Variants in AGAP1 observed in about 807,000 individuals in gnomAD.
The protein encoded by AGAP1 is arf-GAP with GTPase, ANK repeat and PH domain-containing protein 1.
AGAP1 carries 29 observed loss-of-function variants against 105.3 expected under a neutral mutation model. That is an observed-to-expected ratio of 0.28 (90% CI 0.21 to 0.38). AGAP1 has a LOEUF of 0.38. AGAP1 is among the 10% of genes least tolerant of loss of function. The pLI is 1.00. For synonymous variants in AGAP1, 509 were observed against 485.9 expected (o/e 1.05, Z -0.63); for missense variants, 998 against 1,165.1 (o/e 0.86, Z 2.09).
At chr2:235,902,018 A>G (rs1023851735) in intron 10 of AGAP1, among the ~76,000 whole-genome samples, 1 of 152,220 alleles carries the variant, frequency 6.6e-6, no homozygotes, top group African/African-American at 2.4e-5. Flanking sequence ...CACCCATTAC[A>G]TGTTAGTATA....
intron 13 of AGAP1, among the ~76,000 whole-genome samples, chr2:235,987,506 ATTT>A (rs3030714): frequency 0.54 from 64,419 of 119,902 alleles, 15,512 homozygotes; most frequent in South Asian, 0.65. Flanking sequence ...GGATTCATTG[ATTT>A]TTTTTTTTTT....
intron 1 of AGAP1, among the ~76,000 whole-genome samples, chr2:235,697,847 A>G (rs1301006384): frequency 6.6e-6 from 1 of 152,216 alleles, no homozygotes; most frequent in Admixed American, 6.5e-5. Flanking sequence ...AATTGTAAAT[A>G]TCTTGTCTCC....
intron 1 of AGAP1, among the ~76,000 whole-genome samples, chr2:235,497,464 A>C (rs533888189): frequency 6.6e-6 from 1 of 152,360 alleles, no homozygotes; most frequent in East Asian, 1.9e-4. Flanking sequence ...TCAAAAAGTC[A>C]CTTGTCCCAC....
Position 235,795,942 on chromosome 2 carries a change from A to G in AGAP1, c.674-1817A>G, listed in dbSNP as rs147399364. 3.0e-4 allele frequency among the ~76,000 whole-genome samples: 46 copies of G among 152,352 alleles called. No individual in the cohort carries two copies. In the East Asian group the frequency reaches 8.3e-3, roughly 27 times the overall value. ...GAAGTTTCATACAACAGTCGTTTCC[A>G]TAACATATTTGACTTATCTTAGGAA... On this transcript the variant is annotated intron_variant, in intron 6 of 17. Transcript: ENST00000304032.
intron 16 of AGAP1, among the ~76,000 whole-genome samples, chr2:236,093,895 G>A (rs1261127313): frequency 6.6e-6 from 1 of 151,800 alleles, no homozygotes; most frequent in Non-Finnish European, 1.5e-5. Context: ...TTTTTAAAGG[G>A]GGTTTCTCTG....
At chr2:235,526,320 T>C (rs950834012) in intron 1 of AGAP1, among the ~76,000 whole-genome samples, 4 of 152,244 alleles carry the variant, frequency 2.6e-5, no homozygotes, top group Non-Finnish European at 5.9e-5. Flanking sequence ...GTTCTCTTGA[T>C]TGACAGGAAC....
chr2:235,599,629 C>T lies in AGAP1; in HGVS notation c.163+104780C>T, dbSNP rs1288959841. Among the ~76,000 whole-genome samples the T allele has an allele frequency of 1.3e-5, 2 of 152,270 alleles. No individual in the cohort carries two copies. The highest frequency in any genetic ancestry group is 1.5e-5 in the Non-Finnish European group (1 of 68,028). ...CATGGCCCATGTGGCTCCGGAAGTT[C>T]CTGGGAGTGGCTCGTAGAGCCTGTT... On this transcript the variant is annotated intron_variant, in intron 1 of 17. Transcript: ENST00000304032. This position sits in a 1 kb window ranked among gnomAD's most constrained non-coding sequence, Gnocchi z 5.3.
chr2:236,019,681 T>G (rs968297002), intron 13 of AGAP1, among the ~76,000 whole-genome samples: 2 of 152,062 alleles, frequency 1.3e-5, no homozygotes, highest in African/African-American at 4.8e-5. Flanking sequence ...TAGGCTTGAG[T>G]GTGAGGTGTG....
At chr2:235,794,006 G>A (rs1957123835) in intron 6 of AGAP1, among the ~76,000 whole-genome samples, 1 of 152,066 alleles carries the variant, frequency 6.6e-6, no homozygotes, top group Non-Finnish European at 1.5e-5. Flanking sequence ...GGCTTAAAAA[G>A]TTGTCACAAA....
chr2:235,537,039 C>T (rs1202889968), intron 1 of AGAP1, among the ~76,000 whole-genome samples: 1 of 152,230 alleles, frequency 6.6e-6, no homozygotes, highest in African/African-American at 2.4e-5. Context: ...TGATGAGCAG[C>T]TCCTCTGCGC....
Position 235,712,819 on chromosome 2 carries a change from T to C in AGAP1, c.222+3582T>C, listed in dbSNP as rs1575202472. ...GCTCTTTGGCTCGCTCTGGATTGAT[T>C]TCCTCCGTCTTGGTTTACTTCCAGC... On this transcript the variant is annotated intron_variant, in intron 2 of 17. Coordinates refer to ENST00000304032, the MANE Select transcript of AGAP1 (RefSeq NM_001037131.3). This position sits in a 1 kb window ranked among gnomAD's most constrained non-coding sequence, Gnocchi z 6.0. Among the ~76,000 whole-genome samples the C allele has an allele frequency of 6.6e-6, 1 of 152,226 alleles. No homozygotes were observed. The highest frequency in any genetic ancestry group is 2.1e-4 in the South Asian group (1 of 4,830).
At chr2:235,868,330 A>G (rs1559585027) in intron 9 of AGAP1, among the ~76,000 whole-genome samples, 1 of 152,164 alleles carries the variant, frequency 6.6e-6, no homozygotes, top group Non-Finnish European at 1.5e-5. Context: ...ATTTGATCTC[A>G]TTGCGAAATC....
At chr2:235,806,628 T>C (rs927336045) in intron 8 of AGAP1, among the ~76,000 whole-genome samples, 1 of 152,236 alleles carries the variant, frequency 6.6e-6, no homozygotes, top group Non-Finnish European at 1.5e-5. Flanking sequence ...TACTGACCTT[T>C]CGTCCAAAGG....
chr2:235,525,546 A>T (rs1177355003), intron 1 of AGAP1, among the ~76,000 whole-genome samples: 1 of 149,238 alleles, frequency 6.7e-6, no homozygotes, highest in Non-Finnish European at 1.5e-5. Context: ...TTTATAAAGT[A>T]GAGGACTGAT....
rs558511656 is a variant in AGAP1 at position 235,620,589 on chromosome 2, G to A, written c.164-88590G>A. 6.6e-6 allele frequency among the ~76,000 whole-genome samples: 1 copy of A among 152,222 alleles called. No individual in the cohort carries two copies. Among genetic ancestry groups the A allele is most frequent in the African/African-American group, 2.4e-5 (1 of 41,538 alleles). On this transcript the variant is annotated intron_variant, in intron 1 of 17. Coordinates refer to ENST00000304032, the MANE Select transcript of AGAP1 (RefSeq NM_001037131.3). The surrounding 1 kb of genome is among the most constrained non-coding windows in gnomAD (Gnocchi z 4.5). ...CCAGTGTCATTGAGGACCCTCCGTG[G>A]CACCTGGCCTTCCTCCCAGCCACAG...
intron 1 of AGAP1, among the ~76,000 whole-genome samples, chr2:235,667,867 G>A (rs908348760): frequency 6.7e-6 from 1 of 148,730 alleles, no homozygotes; most frequent in Non-Finnish European, 1.5e-5. Flanking sequence ...GCTGAGACAG[G>A]AGAATCACTT....
At position 236,052,340 on chromosome 2, in the gene AGAP1, C is replaced by T. The variant is rs3754655; in HGVS notation, c.2114+3059C>T. ...CCACCCCCAAACACACAAACACACA[C>T]AGATTCAAGACCATGGGGAAGTAGA... On this transcript the variant is annotated intron_variant, in intron 16 of 17. Transcript: ENST00000304032. Among the ~76,000 whole-genome samples, 124 of 152,254 alleles carry T rather than the reference C, an allele frequency of 8.1e-4. No individual in the cohort carries two copies. The East Asian group carries it at 0.02, about 25-fold the overall frequency.
Position 235,970,568 on chromosome 2 carries a change from GTCT to G in AGAP1, c.1645+1950_1645+1952del, listed in dbSNP as rs1172332977. 2.6e-5 allele frequency among the ~76,000 whole-genome samples: 4 copies of G among 152,192 alleles called. No individual in the cohort carries two copies. Among genetic ancestry groups the G allele is most frequent in the African/African-American group, 7.2e-5 (3 of 41,454 alleles). ...CTTGTTCTCACTTTCACAGGCACGC[GTCT>G]TCTTGCATTTGTTGTGTGTTTCCAA... On this transcript the variant is annotated intron_variant, in intron 13 of 17. Transcript: ENST00000304032. The surrounding 1 kb of genome is among the most constrained non-coding windows in gnomAD (Gnocchi z 5.4).
rs1260668967 is a variant in AGAP1 at position 236,119,073 on chromosome 2, G to C, written c.2115-1119G>C. Among the ~76,000 whole-genome samples the C allele has an allele frequency of 6.6e-6, 1 of 151,958 alleles. No individual in the cohort carries two copies. The highest frequency in any genetic ancestry group is 1.5e-5 in the Non-Finnish European group (1 of 67,990). ...GCCCTCCCCACAGATGTGTAGCAGG[G>C]TCCCCATCCTCTGTAGACCCCCCAG... is the stretch of plus-strand genomic sequence containing the variant. On this transcript the variant is annotated intron_variant, in intron 16 of 17. Transcript: ENST00000304032. The surrounding 1 kb of genome is among the most constrained non-coding windows in gnomAD (Gnocchi z 6.6).
Sources: gnomAD v4.1 joint callset for allele counts (sites outside exome capture counted in the v4.1 genomes callset) on GRCh38, gnomAD v4.1.1 for gene constraint, Gnocchi (gnomAD v3.1) non-coding constraint, MANE v1.5 for transcripts, NCBI Gene and HGNC (gene_info 2026-07-23, HGNC 2026-07-21) for gene names.